SLC25A24: variants seen among roughly 807,000 people sequenced by gnomAD.
SLC25A24 encodes the protein mitochondrial adenyl nucleotide antiporter SLC25A24.
Under a neutral mutation model 60.7 loss-of-function variants are expected in SLC25A24, and 49 were observed. The ratio of observed to expected loss-of-function variants is 0.81; its 90% CI spans 0.64 to 1.02. The LOEUF (loss-of-function observed/expected upper bound fraction) is 1.02. Among genes scored for constraint, SLC25A24 ranks in the 50% least tolerant of loss-of-function variants. SLC25A24 has a pLI of 0.00. For synonymous variants in SLC25A24, 202 were observed against 200.6 expected (o/e 1.01, Z -0.06); for missense variants, 564 against 586.3 (o/e 0.96, Z 0.39).
In SLC25A24 at chr1:108,180,620, CTCTCTCTCTCTCTCTCTCT is replaced by C. The variant is rs1647887171; in HGVS notation, c.398+1302_398+1320del. 2.0e-3 allele frequency among the ~76,000 whole-genome samples: 261 copies of C among 131,884 alleles called. 3 individuals carry two copies. The highest frequency in any genetic ancestry group is 3.7e-3 in the Middle Eastern group (1 of 272). 86.5% of individuals were successfully genotyped at this position (131,884 alleles called of 152,430 possible). A position where few individuals can be genotyped will look rare whatever the true frequency, so the allele number is the denominator to read the frequency against. ...ATAATAGAAAGCAAGAGAAAGATCTCTCTCTCTCTCTCTCTCTCTCTCTCTCTCTCTCTCTCTCTCTCTC... is the reference window on the plus strand; with the variant it reads ...ATAATAGAAAGCAAGAGAAAGATCTCCTCTCTCTCTCTCTCTCTCTCTCTC... On this transcript the variant is annotated intron_variant, in intron 3 of 9. Transcript: ENST00000565488.
At chr1:108,140,491 TA>T (rs1303820289) in intron 8 of SLC25A24, among the ~76,000 whole-genome samples, 2 of 152,060 alleles carry the variant, frequency 1.3e-5, no homozygotes, top group Admixed American at 1.3e-4. Context: ...TATAAAATCC[TA>T]TAGTATTGTA....
intron 1 of SLC25A24, chr1:108,192,865 C>T: frequency 1.1e-6 from 1 of 909,650 alleles, no homozygotes; most frequent in Non-Finnish European, 1.4e-6. Context: ...CGTGGGACCG[C>T]ACTCTGGGCT....
At chr1:108,149,829 G>A (rs1332617887) in intron 6 of SLC25A24, among the ~76,000 whole-genome samples, 1 of 152,162 alleles carries the variant, frequency 6.6e-6, no homozygotes, top group African/African-American at 2.4e-5. Flanking sequence ...CCATTCCTGT[G>A]CCAGCCAGTT....
At chr1:108,158,105 AAATT>A (rs1321479699) in intron 4 of SLC25A24, among the ~76,000 whole-genome samples, 2 of 152,316 alleles carry the variant, frequency 1.3e-5, no homozygotes, top group African/African-American at 4.8e-5. Flanking sequence ...ATGTAAATAA[AAATT>A]AAAACTGTAT....
At chr1:108,148,248 T>C (rs1176423527) in intron 7 of SLC25A24, 31 bp downstream of exon 7, 6 of 1,284,478 alleles carry the variant, frequency 4.7e-6, no homozygotes, top group Non-Finnish European at 3.4e-6. Flanking sequence ...ACGAACACCA[T>C]CACACAGTCA....
chr1:108,136,900 C>T (rs1203926256), intron 9 of SLC25A24, 63 bp from the exon 10 acceptor site: 24 of 1,415,694 alleles, frequency 1.7e-5, no homozygotes, highest in East Asian at 2.4e-5. Context: ...TGACAACAAA[C>T]AATTATGACC....
rs1481615604 is a variant in SLC25A24 at position 108,192,684 on chromosome 1, G to A, written c.184-6730C>T. ...GCCCCAGCGGGGTGGAAGTGCGACC[G>A]ACGAACGGGATCTCTGCCCACCACA... On this transcript the variant is annotated intron_variant, in intron 1 of 9. Transcript: ENST00000565488. The A allele has an allele frequency of 2.5e-5, 36 of 1,459,858 alleles. 9 individuals carry two copies. The highest frequency in any genetic ancestry group is 2.9e-5 in the Non-Finnish European group (32 of 1,095,254). 90.4% of individuals were successfully genotyped at this position (1,459,858 alleles called of 1,614,324 possible).
intron 1 of SLC25A24, among the ~76,000 whole-genome samples, chr1:108,187,479 C>T (rs1193887926): frequency 6.6e-6 from 1 of 152,036 alleles, no homozygotes; most frequent in Non-Finnish European, 1.5e-5. Flanking sequence ...AAGATGGAAA[C>T]TACTAGACAC....
intron 6 of SLC25A24, 118 bp downstream of exon 6, chr1:108,154,865 T>C: frequency 2.9e-6 from 2 of 698,794 alleles, no homozygotes; most frequent in Non-Finnish European, 2.3e-6. Context: ...TTATGGAGTA[T>C]ATGTGAAAGA....
chr1:108,137,459 T>A (rs944849937), intron 9 of SLC25A24, among the ~76,000 whole-genome samples: 2 of 152,168 alleles, frequency 1.3e-5, no homozygotes, highest in African/African-American at 4.8e-5. Context: ...TACCATGTGC[T>A]ATGGAGATGC....
intron 7 of SLC25A24, among the ~76,000 whole-genome samples, chr1:108,147,478 C>G (rs1164053335): frequency 6.6e-6 from 1 of 152,106 alleles, no homozygotes; most frequent in Non-Finnish European, 1.5e-5. Flanking sequence ...GCTCTTGCTT[C>G]TCTAGTTCTT....
At position 108,143,713 on chromosome 1, in the gene SLC25A24, G is replaced by A; in HGVS notation, c.931-3C>T. ...ACAGCCAGCCTGGTTTTCATAACCT[G>A]GATATAAAAAAAAACAAAATATGAT... is the stretch of plus-strand genomic sequence containing the variant. On this transcript the variant is annotated splice_region_variant and splice_polypyrimidine_tract_variant and intron_variant, in intron 7 of 9. Transcript: ENST00000565488. 1.9e-6 allele frequency: 3 copies of A among 1,596,120 alleles called. No individual in the cohort carries two copies. The highest frequency in any genetic ancestry group is 2.6e-6 in the Non-Finnish European group (3 of 1,173,824).
intron 1 of SLC25A24, among the ~76,000 whole-genome samples, chr1:108,189,907 T>C (rs927340781): frequency 3.5e-4 from 53 of 150,870 alleles, no homozygotes; most frequent in African/African-American, 1.2e-3. Context: ...AGAGTATATA[T>C]AGGGTTCAAT....
Position 108,139,059 on chromosome 1 carries a change from TTGAGCCTGCA to T in SLC25A24, c.1238_1247del (p.Met413LysfsTer4), listed in dbSNP as rs1345871639. ...GTGGTTCTGTAATCAAAAATTCACC[TTGAGCCTGCA>T]TGCGAGTTCTCACCAAAGCCAATGG... On this transcript the variant is annotated frameshift_variant and splice_region_variant, in exon 9 of 10. Transcript: ENST00000565488. LOFTEE classifies it high-confidence loss of function. The T allele has an allele frequency of 2.5e-6, 4 of 1,583,464 alleles. No homozygotes were observed. The African/African-American group carries it at 5.4e-5, about 22-fold the overall frequency.
intron 7 of SLC25A24, among the ~76,000 whole-genome samples, chr1:108,145,932 T>C (rs1679577555): frequency 6.6e-6 from 1 of 152,230 alleles, no homozygotes; most frequent in African/African-American, 2.4e-5. Flanking sequence ...TTTCTATTTC[T>C]GTGAAGAAAT....
chr1:108,140,819 CA>C (rs56793680), intron 8 of SLC25A24, among the ~76,000 whole-genome samples: 118,854 of 129,374 alleles, frequency 0.92, 54,567 homozygotes, highest in East Asian at 0.98. Context: ...CATATCACTA[CA>C]AAAAAAAAAA....
In SLC25A24 at chr1:108,192,293, A is replaced by G. The variant is rs753479802; in HGVS notation, c.184-6339T>C. On this transcript the variant is annotated intron_variant, in intron 1 of 9. Transcript: ENST00000565488. Reference sequence around the variant, plus strand: ...TGAAGTTGGAGATTTTACTACAGCCAAGGAGAAAACGGAGAAAAATACTTG... The same window carrying G: ...TGAAGTTGGAGATTTTACTACAGCCGAGGAGAAAACGGAGAAAAATACTTG... 4.3e-5 allele frequency among the ~76,000 whole-genome samples: 6 copies of G among 139,632 alleles called. 1 individual carries two copies. The highest frequency in any genetic ancestry group is 9.4e-5 in the Non-Finnish European group (6 of 63,792). The allele number at this position is 139,632 out of a possible 152,430, so 91.6% of individuals were successfully genotyped here.
At chr1:108,182,153 G>A in intron 2 of SLC25A24, 125 bp from the exon 3 acceptor site, 1 of 619,476 alleles carries the variant, frequency 1.6e-6, no homozygotes, top group Non-Finnish European at 2.9e-6. Context: ...TGTGCATGTA[G>A]GTGAGTTATA....
At chr1:108,157,772 A>C in intron 4 of SLC25A24, 152 bp from the exon 5 acceptor site, 2 of 780,530 alleles carry the variant, frequency 2.6e-6, no homozygotes, top group Non-Finnish European at 4.1e-6. Flanking sequence ...ATAGATTATA[A>C]GTTGTCTACT....
Sources: allele counts gnomAD v4.1 joint callset (sites outside exome capture counted in the v4.1 genomes callset), GRCh38; gene constraint gnomAD v4.1.1; transcripts MANE v1.5; gene names NCBI Gene and HGNC (gene_info 2026-07-23, HGNC 2026-07-21).